The following POU2F1 variants were observed in gnomAD, a reference collection of about 807,000 sequenced individuals.
POU2F1 encodes POU class 2 homeobox 1.
In POU2F1, 16 loss-of-function variants were observed where a neutral mutation model predicts 84.9. That is an observed-to-expected ratio of 0.19 (90% CI 0.13 to 0.29). POU2F1 has a LOEUF of 0.29. Among genes scored for constraint, POU2F1 ranks in the 10% least tolerant of loss-of-function variants. The pLI is 1.00. For missense variants in POU2F1, 738 were observed against 942.6 expected (o/e 0.78, Z 2.84); for synonymous variants, 368 against 368.3 (o/e 1.00, Z 0.01).
chr1:167,311,811 T>TATTTA (rs1553206349), intron 1 of POU2F1, among the ~76,000 whole-genome samples: 4 of 145,428 alleles, frequency 2.8e-5, no homozygotes, highest in Non-Finnish European at 3.1e-5. Context: ...TTTATTTATT[T>TATTTA]TTTCTTTTGG....
chr1:167,367,254 A>G (rs1215988196), intron 3 of POU2F1, among the ~76,000 whole-genome samples: 1 of 152,094 alleles, frequency 6.6e-6, no homozygotes, highest in East Asian at 1.9e-4. Flanking sequence ...ACCTTTCCTT[A>G]CCATAATTAT....
chr1:167,250,393 T>C (rs1026636027), intron 1 of POU2F1, among the ~76,000 whole-genome samples: 1 of 152,228 alleles, frequency 6.6e-6, no homozygotes, highest in Non-Finnish European at 1.5e-5. Context: ...TTTTATATAG[T>C]TATAATGTTA....
chr1:167,407,480 T>A (rs1008986981), intron 13 of POU2F1, among the ~76,000 whole-genome samples: 1 of 152,232 alleles, frequency 6.6e-6, no homozygotes, highest in African/African-American at 2.4e-5. Context: ...AGGATTTTCA[T>A]GTCCTAATTT....
intron 1 of POU2F1, among the ~76,000 whole-genome samples, chr1:167,226,303 T>A (rs1338891275): frequency 6.6e-6 from 1 of 152,232 alleles, no homozygotes; most frequent in Non-Finnish European, 1.5e-5. Context: ...TTTGCTTACT[T>A]CTTACTGTGT....
intron 1 of POU2F1, among the ~76,000 whole-genome samples, chr1:167,233,546 C>T (rs778564031): frequency 5.3e-5 from 8 of 152,130 alleles, no homozygotes; most frequent in Non-Finnish European, 7.4e-5. Context: ...CAGGCTATAC[C>T]ATATAGCTTA....
At chr1:167,302,424 C>A (rs1474211357) in intron 1 of POU2F1, among the ~76,000 whole-genome samples, 1 of 152,038 alleles carries the variant, frequency 6.6e-6, no homozygotes, top group Admixed American at 6.6e-5. Flanking sequence ...CCATGCCTGG[C>A]TAATTTTTGT....
chr1:167,366,312 T>G (rs368784733), intron 3 of POU2F1, among the ~76,000 whole-genome samples: 1 of 152,196 alleles, frequency 6.6e-6, no homozygotes, highest in African/African-American at 2.4e-5. Flanking sequence ...ATTTTGGTGG[T>G]CTATATGTGT....
At chr1:167,309,755 T>C (rs1655333166) in intron 1 of POU2F1, among the ~76,000 whole-genome samples, 1 of 152,176 alleles carries the variant, frequency 6.6e-6, no homozygotes, top group African/African-American at 2.4e-5. Flanking sequence ...TTTTATATTA[T>C]CTTAATCCTA....
At chr1:167,349,835 T>C (rs1345370008) in intron 2 of POU2F1, among the ~76,000 whole-genome samples, 2 of 152,226 alleles carry the variant, frequency 1.3e-5, no homozygotes, top group Admixed American at 6.5e-5. Flanking sequence ...AATTGTTTCA[T>C]TCAAAATAGG....
chr1:167,322,241 T>G (rs1648512648), intron 1 of POU2F1, among the ~76,000 whole-genome samples: 2 of 152,246 alleles, frequency 1.3e-5, no homozygotes, highest in Non-Finnish European at 1.5e-5. Flanking sequence ...GTAGTTTCAC[T>G]TTTCCCCATC....
At chr1:167,222,794 TA>T (rs1486476507) in intron 1 of POU2F1, among the ~76,000 whole-genome samples, 1 of 152,190 alleles carries the variant, frequency 6.6e-6, no homozygotes, top group African/African-American at 2.4e-5. Flanking sequence ...GTATTGGGCC[TA>T]GGGGGAAAAA....
chr1:167,391,479 A>G (rs1302395613), intron 9 of POU2F1, among the ~76,000 whole-genome samples: 1 of 149,816 alleles, frequency 6.7e-6, no homozygotes. Context: ...CTGGCCTGGT[A>G]GGTCAAAATC....
In POU2F1 at chr1:167,392,917, AAAGTT is replaced by A. The variant is rs552033191; in HGVS notation, c.987+3158_987+3162del. On this transcript the variant is annotated intron_variant, in intron 9 of 15. Coordinates refer to ENST00000367866, the MANE Select transcript of POU2F1 (RefSeq NM_002697.4). The stretch of plus-strand genomic sequence containing the variant: ...ATACACACACAAAGTTTTAGCCATT[AAAGTT>A]ATTTGCTGAAACAAAAAAAGCTCTA... 3.2e-3 allele frequency among the ~76,000 whole-genome samples: 491 copies of A among 152,362 alleles called. 2 individuals are homozygous for A. The highest frequency in any genetic ancestry group is 0.011 in the African/African-American group (458 of 41,592).
intron 1 of POU2F1, among the ~76,000 whole-genome samples, chr1:167,330,393 A>G (rs1054687071): frequency 4.6e-5 from 7 of 152,204 alleles, no homozygotes; most frequent in African/African-American, 1.7e-4. Flanking sequence ...AAAAGCCACT[A>G]TGTAAAGAGT....
intron 1 of POU2F1, among the ~76,000 whole-genome samples, chr1:167,326,682 G>A (rs576622332): frequency 6.6e-6 from 1 of 152,266 alleles, no homozygotes; most frequent in East Asian, 1.9e-4. Flanking sequence ...GTGTGGGCTG[G>A]TAAACTATAG....
chr1:167,410,489 A>G (rs1649877822), intron 13 of POU2F1, among the ~76,000 whole-genome samples: 1 of 151,950 alleles, frequency 6.6e-6, no homozygotes, highest in African/African-American at 2.4e-5. Flanking sequence ...GCTTGGTAAA[A>G]GATTTCATCA....
intron 1 of POU2F1, among the ~76,000 whole-genome samples, chr1:167,304,390 T>C (rs1654919252): frequency 6.6e-6 from 1 of 152,206 alleles, no homozygotes; most frequent in South Asian, 2.1e-4. Context: ...AAGGCAGTCA[T>C]ATAGCTCAAT....
intron 9 of POU2F1, among the ~76,000 whole-genome samples, chr1:167,393,670 T>G (rs562580598): frequency 6.6e-6 from 1 of 152,202 alleles, no homozygotes; most frequent in South Asian, 2.1e-4. Flanking sequence ...GCTAATTTTT[T>G]TGTGTTTGGT....
intron 2 of POU2F1, among the ~76,000 whole-genome samples, chr1:167,353,058 A>G (rs372576508): frequency 1.7e-3 from 256 of 152,322 alleles, no homozygotes; most frequent in African/African-American, 5.9e-3. Context: ...ATGAAGAGAA[A>G]AACAGAACTT....
Sources: gnomAD v4.1 joint callset for allele counts (sites outside exome capture counted in the v4.1 genomes callset) on GRCh38, gnomAD v4.1.1 for gene constraint, MANE v1.5 for transcripts, NCBI Gene and HGNC (gene_info 2026-07-23, HGNC 2026-07-21) for gene names.